The following STXBP5L variants were observed in gnomAD, a reference collection of about 807,000 sequenced individuals.
The protein encoded by STXBP5L is syntaxin-binding protein 5-like.
STXBP5L carries 65 observed loss-of-function variants against 144.5 expected under a neutral mutation model. That is an observed-to-expected ratio of 0.45 (90% CI 0.37 to 0.55). STXBP5L has a LOEUF of 0.55. STXBP5L is among the 20% of genes least tolerant of loss of function. STXBP5L has a pLI of 0.00. For missense variants in STXBP5L, 1,298 were observed against 1,405.5 expected, an observed-to-expected ratio of 0.92 and a Z score of 1.22; for synonymous variants, 505 against 469.6, an observed-to-expected ratio of 1.08 and a Z score of -0.97.
chr3:121,250,721 A>G lies in STXBP5L; in HGVS notation c.1401-2A>G, dbSNP rs1422245922. On this transcript the variant is annotated splice_acceptor_variant, in intron 14 of 26. Coordinates refer to ENST00000471454, the MANE Select transcript of STXBP5L (RefSeq NM_001308330.2). LOFTEE classifies it high-confidence loss of function. The stretch of plus-strand genomic sequence containing the variant: ...ATTAATGCTAATTTATTTCTCATCT[A>G]GTCATGCAGATGGATCAATAAAATT... 1.2e-6 allele frequency: 2 copies of G among 1,607,012 alleles called. No individual in the cohort carries two copies. The highest frequency in any genetic ancestry group is 1.7e-6 in the Non-Finnish European group (2 of 1,175,702).
intron 9 of STXBP5L, among the ~76,000 whole-genome samples, chr3:121,177,505 A>C (rs909797555): frequency 1.5e-4 from 23 of 152,176 alleles, no homozygotes; most frequent in Non-Finnish European, 2.2e-4. Flanking sequence ...TTAGCACATG[A>C]AACGATGCTC....
At chr3:121,083,100 G>A (rs1010068960) in intron 5 of STXBP5L, among the ~76,000 whole-genome samples, 10 of 152,196 alleles carry the variant, frequency 6.6e-5, no homozygotes, top group East Asian at 1.9e-4. Flanking sequence ...TCAGGAGGCC[G>A]AGGCAGGAGA....
chr3:121,343,533 A>G (rs2044819325), intron 20 of STXBP5L, among the ~76,000 whole-genome samples: 1 of 152,162 alleles, frequency 6.6e-6, no homozygotes, highest in Non-Finnish European at 1.5e-5. Flanking sequence ...TTAAGCTGAT[A>G]AGCAACTTCA....
intron 3 of STXBP5L, among the ~76,000 whole-genome samples, chr3:120,961,839 G>C (rs906879494): frequency 6.6e-6 from 1 of 152,188 alleles, no homozygotes; most frequent in Admixed American, 6.5e-5. Flanking sequence ...GATCCTTGAG[G>C]AATCGCCACA....
intron 20 of STXBP5L, among the ~76,000 whole-genome samples, chr3:121,340,210 A>T (rs941384512): frequency 2.0e-5 from 3 of 152,200 alleles, no homozygotes; most frequent in African/African-American, 7.2e-5. Context: ...GTAGATACGT[A>T]GACCAATAGA....
intron 5 of STXBP5L, among the ~76,000 whole-genome samples, chr3:121,082,294 A>C (rs1253541498): frequency 3.4e-5 from 5 of 147,404 alleles, no homozygotes; most frequent in African/African-American, 1.3e-4. Flanking sequence ...GATTTCTTTC[A>C]TCATTTTTTT....
chr3:121,178,416 T>C (rs1359041819), intron 9 of STXBP5L, among the ~76,000 whole-genome samples: 2 of 152,226 alleles, frequency 1.3e-5, no homozygotes, highest in African/African-American at 4.8e-5. Context: ...TGGAATATTT[T>C]TTAATTGGCT....
intron 10 of STXBP5L, among the ~76,000 whole-genome samples, chr3:121,207,303 C>T (rs2048374492): frequency 7.7e-6 from 1 of 129,536 alleles, no homozygotes; most frequent in Non-Finnish European, 1.6e-5. Flanking sequence ...AACTGGATCC[C>T]TTACTTACAC....
chr3:121,169,662 A>G (rs981047089), intron 9 of STXBP5L, among the ~76,000 whole-genome samples: 14 of 152,204 alleles, frequency 9.2e-5, no homozygotes, highest in Non-Finnish European at 1.5e-4. Context: ...CCAAATATAT[A>G]TGCAACCAAT....
intron 20 of STXBP5L, among the ~76,000 whole-genome samples, chr3:121,378,167 C>CG (rs1176762529): frequency 3.1e-5 from 4 of 130,358 alleles, no homozygotes; most frequent in South Asian, 2.7e-4. Flanking sequence ...CGAGGCCTGT[C>CG]GGGGGGTGGG....
chr3:121,288,284 G>T lies in STXBP5L; in HGVS notation c.2110+8328G>T, dbSNP rs539263447. Reference sequence around the variant, plus strand: ...TTCCATGTTATTGCCATTGTGAATAGTGCTGCAGTAAACATACGCATGCAT... The same window carrying T: ...TTCCATGTTATTGCCATTGTGAATATTGCTGCAGTAAACATACGCATGCAT... On this transcript the variant is annotated intron_variant, in intron 19 of 26. Transcript: ENST00000471454. 4.6e-5 allele frequency among the ~76,000 whole-genome samples: 7 copies of T among 152,304 alleles called. No homozygotes were observed. In the South Asian group the frequency reaches 1.4e-3, roughly 32 times the overall value.
At chr3:121,031,401 C>A (rs549864823) in intron 3 of STXBP5L, among the ~76,000 whole-genome samples, 106 of 151,070 alleles carry the variant, frequency 7.0e-4, no homozygotes, top group Admixed American at 9.9e-4. Context: ...TCTGTCTATT[C>A]ATCAATCAAT....
intron 19 of STXBP5L, among the ~76,000 whole-genome samples, chr3:121,315,758 T>G (rs1315974641): frequency 1.3e-5 from 2 of 151,918 alleles, no homozygotes; most frequent in Admixed American, 6.6e-5. Context: ...TCCCAGCACT[T>G]TGGGAGGCTG....
At chr3:120,981,499 G>A (rs957446857) in intron 3 of STXBP5L, among the ~76,000 whole-genome samples, 7 of 151,908 alleles carry the variant, frequency 4.6e-5, no homozygotes, top group African/African-American at 9.7e-5. Flanking sequence ...TCTCTATATT[G>A]TGGTTCCTTT....
chr3:121,306,614 G>T (rs541720296), intron 19 of STXBP5L, among the ~76,000 whole-genome samples: 2 of 152,148 alleles, frequency 1.3e-5, no homozygotes, highest in Non-Finnish European at 1.5e-5. Flanking sequence ...ATATGAAACA[G>T]TGTGGGAAAG....
chr3:121,147,764 G>A (rs1366460018), intron 7 of STXBP5L, among the ~76,000 whole-genome samples: 2 of 152,144 alleles, frequency 1.3e-5, no homozygotes, highest in African/African-American at 4.8e-5. Flanking sequence ...CCTAATGCGA[G>A]TGGGTCTCAT....
chr3:121,343,034 T>C (rs4488772), intron 20 of STXBP5L, among the ~76,000 whole-genome samples: 116,262 of 151,522 alleles, frequency 0.77, 44,742 homozygotes, highest in East Asian at 0.93. Flanking sequence ...TTAATGATTG[T>C]CATTCTAACT....
At chr3:120,949,334 G>A (rs1168891480) in intron 2 of STXBP5L, among the ~76,000 whole-genome samples, 1 of 152,036 alleles carries the variant, frequency 6.6e-6, no homozygotes, top group Non-Finnish European at 1.5e-5. Flanking sequence ...CAGATGCATA[G>A]TTAGTGAATA....
At chr3:121,051,009 G>A (rs1296032605) in intron 5 of STXBP5L, among the ~76,000 whole-genome samples, 2 of 152,140 alleles carry the variant, frequency 1.3e-5, no homozygotes, top group African/African-American at 4.8e-5. Context: ...TAATGGTAAA[G>A]GGATCAATTC....
Sources: allele counts gnomAD v4.1 joint callset (sites outside exome capture counted in the v4.1 genomes callset), GRCh38; gene constraint gnomAD v4.1.1; transcripts MANE v1.5; gene names NCBI Gene and HGNC (gene_info 2026-07-23, HGNC 2026-07-21).